Variants in SV2C observed in about 807,000 individuals in gnomAD.
SV2C encodes solute carrier family 22 member B3.
SV2C carries 49 observed loss-of-function variants against 79.7 expected under a neutral mutation model. That is an observed-to-expected ratio of 0.61 (90% CI 0.49 to 0.78). The LOEUF (loss-of-function observed/expected upper bound fraction) is 0.78. SV2C is among the 30% of genes least tolerant of loss of function. The pLI, the probability that SV2C is intolerant of heterozygous loss-of-function variation, is 0.00. For synonymous variants in SV2C, 334 were observed against 333.2 expected (o/e 1.00, Z -0.03); for missense variants, 833 against 912.9 (o/e 0.91, Z 1.13).
intron 4 of SV2C, among the ~76,000 whole-genome samples, chr5:76,227,625 T>G (rs1317270593): frequency 6.6e-6 from 1 of 152,232 alleles, no homozygotes; most frequent in Non-Finnish European, 1.5e-5. Context: ...TCCGTGGCAC[T>G]GAACACAATG....
At chr5:76,074,034 G>A in the SV2C span, among the ~76,000 whole-genome samples, 1 of 152,150 alleles carries the variant, frequency 6.6e-6, no homozygotes, top group Non-Finnish European at 1.5e-5. Context: ...TGCAAGCACT[G>A]GGGTGGCCAA....
At chr5:76,335,423 T>TC (rs1482219593), downstream of SV2C, among the ~76,000 whole-genome samples, 1 of 144,240 alleles carries the variant, frequency 6.9e-6, no homozygotes, top group Non-Finnish European at 1.5e-5. Context: ...CCTTTTTTTT[T>TC]TTTTTTTTTT....
rs34691117 is a variant in SV2C, at chr5:76,349,669, A to AT, written c.2001-3443dup. Among the ~76,000 whole-genome samples, 1,197 of 137,504 alleles carry AT rather than the reference A, an allele frequency of 8.7e-3. 17 individuals are homozygous for AT. Among genetic ancestry groups the AT allele is most frequent in the Admixed American group, 0.039 (535 of 13,646 alleles). The allele number at this position is 137,504 out of a possible 152,430, so 90.2% of individuals were successfully genotyped here. On this transcript the variant is annotated intron_variant, in intron 12 of 12. Coordinates refer to the SV2C transcript ENST00000322285. ...GGAAAGAGATGGATTTTTAGCCTTC[A>AT]TTTTTTTTTTTTTTTTTTGAAGCAA...
chr5:75,959,519 G>C, the SV2C span, among the ~76,000 whole-genome samples: 2 of 151,952 alleles, frequency 1.3e-5, no homozygotes, highest in African/African-American at 4.8e-5. Flanking sequence ...CTTCTCAAGT[G>C]AATTTAAAAT....
the SV2C span, among the ~76,000 whole-genome samples, chr5:75,969,812 A>C: frequency 6.6e-6 from 1 of 152,126 alleles, no homozygotes; most frequent in Non-Finnish European, 1.5e-5. Context: ...TCAGCTCTGC[A>C]CCAAGCAGAC....
the SV2C span, among the ~76,000 whole-genome samples, chr5:76,076,248 T>C: frequency 2.0e-5 from 3 of 152,248 alleles, no homozygotes; most frequent in African/African-American, 7.2e-5. Context: ...CATATGTGTA[T>C]GGAAGCTGGA....
chr5:76,039,084 C>G, the SV2C span, among the ~76,000 whole-genome samples: 1 of 152,216 alleles, frequency 6.6e-6, no homozygotes, highest in African/African-American at 2.4e-5. Context: ...GATGTGTCAG[C>G]AGAAGAAATG....
At chr5:76,288,457 A>G (rs1747425892) in intron 6 of SV2C, among the ~76,000 whole-genome samples, 1 of 152,220 alleles carries the variant, frequency 6.6e-6, no homozygotes, top group South Asian at 2.1e-4. Context: ...TCTTTTGAGT[A>G]GATATACAAT....
chr5:75,983,808 G>C, the SV2C span, among the ~76,000 whole-genome samples: 1 of 152,002 alleles, frequency 6.6e-6, no homozygotes, highest in African/African-American at 2.4e-5. Context: ...ACTTGCTTTG[G>C]TCGATAGAAT....
chr5:76,134,805 C>T (rs1377639080), intron 2 of SV2C, among the ~76,000 whole-genome samples: 1 of 152,136 alleles, frequency 6.6e-6, no homozygotes, highest in African/African-American at 2.4e-5. Flanking sequence ...AGAACAAGGG[C>T]AGTCACTTTA....
At chr5:75,973,276 G>A in the SV2C span, among the ~76,000 whole-genome samples, 1 of 151,794 alleles carries the variant, frequency 6.6e-6, no homozygotes, top group Non-Finnish European at 1.5e-5. Context: ...GTATACATAT[G>A]TAACAAACCT....
chr5:76,130,576 G>A (rs1748855075), intron 1 of SV2C, among the ~76,000 whole-genome samples: 1 of 152,162 alleles, frequency 6.6e-6, no homozygotes, highest in Non-Finnish European at 1.5e-5. Context: ...TTTAACCTCT[G>A]TTATCATCTG....
the SV2C span, among the ~76,000 whole-genome samples, chr5:76,050,570 ATC>A: frequency 1.5e-4 from 23 of 150,236 alleles, no homozygotes; most frequent in Non-Finnish European, 2.4e-4. Context: ...CTAATTCTTG[ATC>A]TCTCTCTCTC....
At chr5:76,159,035 A>T (rs11955072) in intron 2 of SV2C, among the ~76,000 whole-genome samples, 1 of 151,916 alleles carries the variant, frequency 6.6e-6, no homozygotes, top group East Asian at 1.9e-4. Context: ...ATAAAAAACA[A>T]AACCATGATC....
chr5:75,900,192 T>C, the SV2C span, among the ~76,000 whole-genome samples: 1 of 152,230 alleles, frequency 6.6e-6, no homozygotes, highest in African/African-American at 2.4e-5. Context: ...GATTTTGCAG[T>C]GGCTGGTACC....
At chr5:75,942,745 T>C in the SV2C span, among the ~76,000 whole-genome samples, 1 of 152,218 alleles carries the variant, frequency 6.6e-6, no homozygotes, top group African/African-American at 2.4e-5. Flanking sequence ...GGAAAAGTGC[T>C]TCCGTCAGTA....
the SV2C span, among the ~76,000 whole-genome samples, chr5:76,060,093 T>C: frequency 1.3e-5 from 2 of 152,184 alleles, no homozygotes; most frequent in East Asian, 3.8e-4. Flanking sequence ...ACAGATGTGC[T>C]GTCGCTCAGG....
At chr5:76,144,312 G>T (rs939926801) in intron 2 of SV2C, among the ~76,000 whole-genome samples, 1 of 152,236 alleles carries the variant, frequency 6.6e-6, no homozygotes, top group Admixed American at 6.5e-5. Flanking sequence ...AAACCCTAAC[G>T]AAAGCACTTT....
chr5:76,224,049 A>C (rs1434481918), intron 4 of SV2C, among the ~76,000 whole-genome samples: 2 of 152,144 alleles, frequency 1.3e-5, no homozygotes, highest in African/African-American at 4.8e-5. Context: ...ACTTTCAGGC[A>C]TATTGGGGGT....
Sources: allele counts gnomAD v4.1 joint callset (sites outside exome capture counted in the v4.1 genomes callset), GRCh38; gene constraint gnomAD v4.1.1; transcripts MANE v1.5; gene names NCBI Gene and HGNC (gene_info 2026-07-23, HGNC 2026-07-21).